Variants in IL22RA2 observed in about 807,000 individuals in gnomAD.
IL22RA2 encodes interleukin-22 receptor subunit alpha-2.
A neutral mutation model predicts 30.7 loss-of-function variants in IL22RA2; 39 were observed. The observed-to-expected ratio is 1.27, with a 90% CI of 0.98 to 1.66. IL22RA2 has a LOEUF of 1.66. Among genes scored for constraint, IL22RA2 ranks in the 40% most tolerant of loss-of-function variants. The probability of loss-of-function intolerance (pLI) is 0.00; values close to 1 mark genes in which losing one functional copy is unlikely to be tolerated. For missense variants in IL22RA2, 315 were observed against 312.7 expected (o/e 1.01, Z -0.05); for synonymous variants, 103 against 105.0 (o/e 0.98, Z 0.11).
intron 1 of IL22RA2, among the ~76,000 whole-genome samples, chr6:137,173,066 T>G (rs1234535292): frequency 6.6e-6 from 1 of 152,168 alleles, no homozygotes; most frequent in Non-Finnish European, 1.5e-5. Flanking sequence ...GAAAAAAGAT[T>G]TTTAAAGTTT....
chr6:137,150,051 G>T (rs762795455), intron 5 of IL22RA2, among the ~76,000 whole-genome samples: 4 of 152,138 alleles, frequency 2.6e-5, no homozygotes, highest in Non-Finnish European at 5.9e-5. Flanking sequence ...ATCAAACGCT[G>T]CTTTTAACTG....
chr6:137,164,773 G>T (rs565788366), intron 1 of IL22RA2, among the ~76,000 whole-genome samples: 3 of 152,306 alleles, frequency 2.0e-5, no homozygotes, highest in Admixed American at 2.0e-4. Flanking sequence ...GAAACATGGG[G>T]ACAAATTTAT....
At chr6:137,154,027 C>T (rs1015354967) in intron 5 of IL22RA2, among the ~76,000 whole-genome samples, 4 of 151,712 alleles carry the variant, frequency 2.6e-5, no homozygotes, top group African/African-American at 9.7e-5. Context: ...TATATCTATA[C>T]ATTAAACCCC....
At chr6:137,169,410 C>T (rs555852524) in intron 1 of IL22RA2, among the ~76,000 whole-genome samples, 22 of 152,232 alleles carry the variant, frequency 1.4e-4, no homozygotes, top group African/African-American at 2.6e-4. Context: ...AATTACTAAC[C>T]GATAAATGGA....
chr6:137,172,468 G>A (rs1185286410), intron 1 of IL22RA2, among the ~76,000 whole-genome samples: 1 of 152,196 alleles, frequency 6.6e-6, no homozygotes, highest in Non-Finnish European at 1.5e-5. Context: ...CAAGGTAGAT[G>A]AAAAGATAAA....
chr6:137,167,596 C>T (rs1172528626), intron 1 of IL22RA2, among the ~76,000 whole-genome samples: 3 of 152,198 alleles, frequency 2.0e-5, no homozygotes, highest in African/African-American at 7.2e-5. Context: ...ACTTTAGGGC[C>T]TTTATGGGAT....
Position 137,156,747 on chromosome 6 carries a change from A to G in IL22RA2, c.293+12T>C, listed in dbSNP as rs745325289. 10 of 1,611,154 alleles carry G rather than the reference A, an allele frequency of 6.2e-6. No homozygotes were observed. The South Asian group carries it at 9.9e-5, about 16-fold the overall frequency. On this transcript the variant is annotated intron_variant, in intron 4 of 6. Coordinates refer to ENST00000296980, the MANE Select transcript of IL22RA2 (RefSeq NM_052962.3). ...CCTGAGGCTAGGTAATTGATAAGGA[A>G]AAGAGGTGTACTTAGCCAATGTTCT...
intron 1 of IL22RA2, 81 bp from the exon 2 acceptor site, chr6:137,161,895 C>G (rs187344180): frequency 5.5e-6 from 3 of 542,490 alleles, no homozygotes; most frequent in South Asian, 3.1e-5. Flanking sequence ...TATTTTGATA[C>G]TACATTATAT....
At chr6:137,169,939 A>T (rs569438251) in intron 1 of IL22RA2, among the ~76,000 whole-genome samples, 2 of 152,370 alleles carry the variant, frequency 1.3e-5, no homozygotes, top group South Asian at 2.1e-4. Context: ...TCTGGTTCAG[A>T]CATGGTCTGG....
rs537969938 is a variant in IL22RA2 at position 137,147,385 on chromosome 6, A to C, written c.642+337T>G. Among the ~76,000 whole-genome samples, 60 of 149,434 alleles carry C rather than the reference A, an allele frequency of 4.0e-4. No individual in the cohort carries two copies. In the South Asian group the frequency reaches 0.012, roughly 31 times the overall value. On this transcript the variant is annotated intron_variant, in intron 6 of 6. Transcript: ENST00000296980. ...AAAATAAAATACATAATAAATAAATAAATAAATAAATAAATAAATAAATAA... is the reference window on the plus strand; with the variant it reads ...AAAATAAAATACATAATAAATAAATCAATAAATAAATAAATAAATAAATAA...
intron 1 of IL22RA2, among the ~76,000 whole-genome samples, chr6:137,169,653 T>C (rs1202625588): frequency 6.6e-6 from 1 of 152,208 alleles, no homozygotes; most frequent in East Asian, 1.9e-4. Flanking sequence ...GTCATGGGGA[T>C]ACTGTACTCC....
In IL22RA2 at chr6:137,167,414, G is replaced by A. The variant is rs1778646775; in HGVS notation, c.-65-5600C>T. Among the ~76,000 whole-genome samples the A allele has an allele frequency of 2.6e-5, 4 of 152,134 alleles. No individual in the cohort carries two copies. In the South Asian group the frequency reaches 6.2e-4, roughly 24 times the overall value. ...CACCCTGATCATAACTCAGATAAAC[G>A]GGGATTTAAAAAATTGGGGAATTAA... is the stretch of plus-strand genomic sequence containing the variant. On this transcript the variant is annotated intron_variant, in intron 1 of 6. Transcript: ENST00000296980.
At chr6:137,161,907 A>G (rs1408858531) in intron 1 of IL22RA2, 93 bp from the exon 2 acceptor site, 2 of 481,104 alleles carry the variant, frequency 4.2e-6, no homozygotes, top group East Asian at 6.1e-5. Context: ...ACATTATATT[A>G]TTTTATTTTA....
At chr6:137,167,058 G>A (rs868454297) in intron 1 of IL22RA2, among the ~76,000 whole-genome samples, 11 of 152,168 alleles carry the variant, frequency 7.2e-5, no homozygotes, top group Admixed American at 2.0e-4. Context: ...AAGAAAGCTC[G>A]GGAAGTAACC....
chr6:137,162,958 G>T (rs1778551230), intron 1 of IL22RA2, among the ~76,000 whole-genome samples: 1 of 152,060 alleles, frequency 6.6e-6, no homozygotes, highest in South Asian at 2.1e-4. Context: ...TCTTAAAGTT[G>T]CTGCAAAGTG....
chr6:137,165,315 C>T lies in IL22RA2; in HGVS notation c.-65-3501G>A, dbSNP rs553171616. Among the ~76,000 whole-genome samples, 28 of 152,282 alleles carry T rather than the reference C, an allele frequency of 1.8e-4. 1 individual carries two copies. The highest frequency in any genetic ancestry group is 3.4e-3 in the Middle Eastern group (1 of 294). On this transcript the variant is annotated intron_variant, in intron 1 of 6. Transcript: ENST00000296980. ...TACATGCCACTTGACCCAGAGGCTGCGGGTAATCAGTGTATGGTTAATGTG... is the reference window on the plus strand; with the variant it reads ...TACATGCCACTTGACCCAGAGGCTGTGGGTAATCAGTGTATGGTTAATGTG...
At chr6:137,164,941 A>G (rs899394787) in intron 1 of IL22RA2, among the ~76,000 whole-genome samples, 2 of 151,836 alleles carry the variant, frequency 1.3e-5, no homozygotes, top group South Asian at 4.1e-4. Flanking sequence ...CTAACTCACA[A>G]TCCTACCTGG....
intron 4 of IL22RA2, among the ~76,000 whole-genome samples, chr6:137,156,237 G>GT (rs1164528653): frequency 6.6e-6 from 1 of 152,166 alleles, no homozygotes; most frequent in East Asian, 1.9e-4. Context: ...TCAGACCAAT[G>GT]TAACAAAGTG....
intron 1 of IL22RA2, among the ~76,000 whole-genome samples, chr6:137,171,236 G>A (rs949585893): frequency 1.3e-5 from 2 of 152,230 alleles, no homozygotes; most frequent in African/African-American, 4.8e-5. Flanking sequence ...CATTGCCCCT[G>A]CCTTCCTTAA....
Sources: gnomAD v4.1 joint callset for allele counts (sites outside exome capture counted in the v4.1 genomes callset) on GRCh38, gnomAD v4.1.1 for gene constraint, MANE v1.5 for transcripts, NCBI Gene and HGNC (gene_info 2026-07-23, HGNC 2026-07-21) for gene names.